RABL3: variants seen among roughly 807,000 people sequenced by gnomAD.
RABL3 encodes rab-like protein 3.
Under a neutral mutation model 31.8 loss-of-function variants are expected in RABL3, and 31 were observed. That is an observed-to-expected ratio of 0.97 (90% CI 0.73 to 1.31). RABL3 has a LOEUF of 1.31. RABL3 is among the 40% of genes most tolerant of loss of function. RABL3 has a pLI of 0.00. For synonymous variants in RABL3, 97 were observed against 99.9 expected (o/e 0.97, Z 0.18); for missense variants, 263 against 279.6 (o/e 0.94, Z 0.42).
chr3:120,691,327 A>G (rs1244014071), intron 6 of RABL3, among the ~76,000 whole-genome samples: 1 of 152,178 alleles, frequency 6.6e-6, no homozygotes, highest in Admixed American at 6.5e-5. Flanking sequence ...AGTATTATAA[A>G]TGGTCTCTGA....
intron 2 of RABL3, among the ~76,000 whole-genome samples, chr3:120,714,264 T>C (rs1057270260): frequency 2.0e-5 from 3 of 152,144 alleles, no homozygotes; most frequent in African/African-American, 7.2e-5. Flanking sequence ...TAGGAGGTCT[T>C]AGGAGGGAGT....
rs192055150 is a variant in RABL3, at chr3:120,692,753, C to T, written c.606+1400G>A. ...AAAAATAAAGCCTTGCCTGACAACT[C>T]GGATTATACCAATCAATAACCCAGT... On this transcript the variant is annotated intron_variant, in intron 6 of 7. Coordinates refer to ENST00000273375, the MANE Select transcript of RABL3 (RefSeq NM_173825.5). Among the ~76,000 whole-genome samples, 12 of 152,232 alleles carry T rather than the reference C, an allele frequency of 7.9e-5. No homozygotes were observed. In the East Asian group the frequency reaches 1.5e-3, roughly 20 times the overall value.
chr3:120,735,378 A>G (rs2107597839), intron 1 of RABL3, among the ~76,000 whole-genome samples: 1 of 152,036 alleles, frequency 6.6e-6, no homozygotes, highest in African/African-American at 2.4e-5. Flanking sequence ...TTTCTGTGGG[A>G]TCGGTGGTGA....
chr3:120,720,638 AAG>A (rs1397583070), intron 2 of RABL3, among the ~76,000 whole-genome samples: 2 of 152,220 alleles, frequency 1.3e-5, no homozygotes, highest in African/African-American at 4.8e-5. Context: ...TTAGAGAAAA[AAG>A]AATAAAAAGA....
At chr3:120,716,660 T>C (rs1244764610) in intron 2 of RABL3, among the ~76,000 whole-genome samples, 1 of 151,866 alleles carries the variant, frequency 6.6e-6, no homozygotes, top group Admixed American at 6.6e-5. Flanking sequence ...GGCAACTGTT[T>C]CTAAGAGTTT....
intron 2 of RABL3, 122 bp from the exon 3 acceptor site, chr3:120,710,031 T>C (rs1708595521): frequency 3.1e-6 from 2 of 655,544 alleles, no homozygotes; most frequent in Non-Finnish European, 2.6e-6. Flanking sequence ...CTCTTATCTT[T>C]TAAGCTTACT....
chr3:120,709,808 T>A lies in RABL3; in HGVS notation c.240A>T (p.Thr80=). Residue 80 remains threonine (T), a synonymous_variant, in exon 3 of 8, where the codon ACA becomes ACT. Coordinates refer to ENST00000273375, the MANE Select transcript of RABL3 (RefSeq NM_173825.5). ...SVGSASSVKS[T]RAVFYNSVNG... is the part of the protein sequence containing the mutation. ...TTACGGAGTTGTAGAATACTGCTCT[T>A]GTGCTTTTCACGCTGCTGGCACTGC... The A allele has an allele frequency of 6.2e-7, 1 of 1,612,318 alleles. No homozygotes were observed. The highest frequency in any genetic ancestry group is 8.5e-7 in the Non-Finnish European group (1 of 1,178,610).
chr3:120,690,517 G>A, intron 6 of RABL3, 30 bp from the exon 7 acceptor site: 1 of 1,573,532 alleles, frequency 6.4e-7, no homozygotes, highest in Non-Finnish European at 8.7e-7. Flanking sequence ...TAAAGGCTTA[G>A]CACACATACC....
At chr3:120,692,351 A>G (rs1297917421) in intron 6 of RABL3, among the ~76,000 whole-genome samples, 2 of 151,946 alleles carry the variant, frequency 1.3e-5, no homozygotes, top group Non-Finnish European at 2.9e-5. Context: ...GGCGCCCGCC[A>G]CCACACTCAG....
chr3:120,702,455 T>A (rs1708502645), intron 4 of RABL3, among the ~76,000 whole-genome samples: 1 of 152,088 alleles, frequency 6.6e-6, no homozygotes, highest in African/African-American at 2.4e-5. Flanking sequence ...ATGGTAATGC[T>A]CACTCACCTG....
intron 2 of RABL3, among the ~76,000 whole-genome samples, chr3:120,711,633 T>C (rs764144323): frequency 3.9e-5 from 6 of 152,198 alleles, no homozygotes; most frequent in South Asian, 2.1e-4. Flanking sequence ...CTAGGCTCTA[T>C]AGGCATTTAC....
intron 2 of RABL3, among the ~76,000 whole-genome samples, chr3:120,711,977 T>A (rs1022530110): frequency 6.6e-6 from 1 of 152,100 alleles, no homozygotes; most frequent in Non-Finnish European, 1.5e-5. Context: ...GCCTATAAAA[T>A]GAAAGAATTG....
At position 120,689,506 on chromosome 3, in the gene RABL3, T is replaced by C; in HGVS notation, c.*317A>G. On this transcript the variant is annotated 3_prime_UTR_variant, in exon 8 of 8. Transcript: ENST00000273375. The stretch of plus-strand genomic sequence containing the variant: ...CAGACCCATAAAAACCCTCCAGTTC[T>C]AGGCAAGAGTAAATTTTCTCTGCAG... 1 of 210,024 alleles carries C rather than the reference T, an allele frequency of 4.8e-6. No individual in the cohort carries two copies. Among genetic ancestry groups the C allele is most frequent in the Non-Finnish European group, 9.5e-6 (1 of 105,796 alleles). The allele number at this position is 210,024 out of a possible 1,614,324, so 13.0% of individuals were successfully genotyped here. A position where few individuals can be genotyped will look rare whatever the true frequency, so the allele number is the denominator to read the frequency against.
intron 4 of RABL3, 67 bp from the exon 5 acceptor site, chr3:120,698,640 G>A (rs1223452614): frequency 3.1e-5 from 41 of 1,307,690 alleles, no homozygotes; most frequent in African/African-American, 7.5e-5. Flanking sequence ...TAATATTTAA[G>A]TGCAACTAAG....
At chr3:120,731,985 G>C (rs929742660) in intron 1 of RABL3, among the ~76,000 whole-genome samples, 2 of 152,158 alleles carry the variant, frequency 1.3e-5, no homozygotes, top group African/African-American at 2.4e-5. Flanking sequence ...CTTGAGCTCA[G>C]GAGTTGGAGG....
intron 1 of RABL3, among the ~76,000 whole-genome samples, chr3:120,731,965 A>G (rs1169372717): frequency 6.6e-6 from 1 of 152,158 alleles, no homozygotes; most frequent in African/African-American, 2.4e-5. Flanking sequence ...AGGCTGAGGC[A>G]GGATGATCCC....
intron 1 of RABL3, among the ~76,000 whole-genome samples, chr3:120,741,585 G>C (rs1709043620): frequency 6.6e-6 from 1 of 152,108 alleles, no homozygotes; most frequent in African/African-American, 2.4e-5. Flanking sequence ...GAAAAGATAA[G>C]GGCAGTGAGG....
chr3:120,742,519 C>T (rs377751456), upstream of RABL3: 2 of 1,613,996 alleles, frequency 1.2e-6, no homozygotes, highest in African/African-American at 1.3e-5. Flanking sequence ...TTGCCACTGC[C>T]TTCCCTGGGT....
intron 1 of RABL3, among the ~76,000 whole-genome samples, chr3:120,737,251 C>T (rs1704613566): frequency 6.6e-6 from 1 of 152,190 alleles, no homozygotes; most frequent in South Asian, 2.1e-4. Flanking sequence ...CTAAACTTCT[C>T]TTCTCACTTA....
Sources: gnomAD v4.1 joint callset for allele counts (sites outside exome capture counted in the v4.1 genomes callset) on GRCh38, gnomAD v4.1.1 for gene constraint, MANE v1.5 for transcripts, NCBI Gene and HGNC (gene_info 2026-07-23, HGNC 2026-07-21) for gene names.